SYNE2: variants seen among roughly 807,000 people sequenced by gnomAD.
SYNE2 encodes spectrin repeat containing nuclear envelope protein 2, also known as nesprin-2.
In SYNE2, 431 loss-of-function variants were observed where a neutral mutation model predicts 856.3. The ratio of observed to expected loss-of-function variants is 0.50; its 90% CI spans 0.47 to 0.55. The LOEUF is 0.55. SYNE2 is among the 20% of genes least tolerant of loss of function. SYNE2 has a pLI of 0.00. For missense variants in SYNE2, 8,129 were observed against 8,023.2 expected (o/e 1.01, Z -0.50); for synonymous variants, 2,923 against 2,872.3 (o/e 1.02, Z -0.56).
At chr14:64,087,461 G>T in intron 57 of SYNE2, 1 of 722,092 alleles carries the variant, frequency 1.4e-6, no homozygotes, top group South Asian at 1.4e-5. Flanking sequence ...AAATATTTAT[G>T]TTTCTTATTA....
At chr14:64,152,847 T>C (rs1272417717) in intron 85 of SYNE2, 131 bp downstream of exon 85, 8 of 1,193,406 alleles carry the variant, frequency 6.7e-6, no homozygotes, top group African/African-American at 4.6e-5. Context: ...CTGAGAAAAA[T>C]TGAAGTAAAT....
chr14:63,902,636 A>G (rs887060456), intron 1 of SYNE2, among the ~76,000 whole-genome samples: 1 of 151,832 alleles, frequency 6.6e-6, no homozygotes, highest in African/African-American at 2.4e-5. Context: ...GGGAGACTCA[A>G]TCTAGCCCTT....
chr14:63,983,705 A>G (rs771296613), intron 17 of SYNE2, 32 bp from the exon 18 acceptor site: 57 of 1,556,280 alleles, frequency 3.7e-5, no homozygotes, highest in Non-Finnish European at 4.5e-5. Flanking sequence ...TAAAAATATG[A>G]GTATTACATT....
intron 21 of SYNE2, among the ~76,000 whole-genome samples, chr14:63,991,733 A>G (rs1466095477): frequency 1.3e-5 from 2 of 152,200 alleles, no homozygotes; most frequent in African/African-American, 4.8e-5. Flanking sequence ...GCAAAGCTAA[A>G]TGCCTCTACC....
chr14:63,844,756 T>C (rs1481959574), intron 1 of SYNE2, among the ~76,000 whole-genome samples: 1 of 152,178 alleles, frequency 6.6e-6, no homozygotes, highest in East Asian at 1.9e-4. Flanking sequence ...TATTTTAAAA[T>C]GGTCCAAGCC....
intron 1 of SYNE2, among the ~76,000 whole-genome samples, chr14:63,839,003 T>A (rs1889954872): frequency 6.6e-6 from 1 of 152,124 alleles, no homozygotes; most frequent in South Asian, 2.1e-4. Context: ...GTGATTCATA[T>A]CCTCACCAAT....
At position 64,089,564 on chromosome 14, in the gene SYNE2, G is replaced by C; in HGVS notation, c.11671-10G>C. 1 of 1,607,500 alleles carries C rather than the reference G, an allele frequency of 6.2e-7. No homozygotes were observed. The highest frequency in any genetic ancestry group is 8.5e-7 in the Non-Finnish European group (1 of 1,175,570). On this transcript the variant is annotated splice_polypyrimidine_tract_variant and intron_variant, in intron 58 of 115. Transcript: ENST00000555002. ...ATATATTGCATCAGTGTGTTCTTCTGAAATTCTAGGATGTGGTTGCTATTG... is the reference window on the plus strand; with the variant it reads ...ATATATTGCATCAGTGTGTTCTTCTCAAATTCTAGGATGTGGTTGCTATTG...
chr14:64,144,664 A>G (rs902812362), intron 83 of SYNE2, among the ~76,000 whole-genome samples: 5 of 152,234 alleles, frequency 3.3e-5, no homozygotes, highest in African/African-American at 4.8e-5. Flanking sequence ...ACGTTCATAC[A>G]TTGCTGATAA....
In SYNE2 at chr14:64,051,615, G is replaced by C. The variant is rs2097227644; in HGVS notation, c.7702G>C (p.Glu2568Gln). Residue 2568 changes from glutamate to glutamine, a missense_variant, in exon 48 of 116, where the codon GAA (glutamate) becomes CAA (glutamine). Around this residue, in one of 3 missense-constraint regions of SYNE2, gnomAD observed 5,410 missense variants for 5,284.8 expected, o/e 1.02. Transcript: ENST00000555002. ...AATTAAAAAATTCATAGCATCCATA[G>C]AAAAAGAGAAAGATTCTTTAGGCAA... ...DKIKKFIASI[E>Q]KEKDSLGNLK... 1 of 1,613,810 alleles carries C rather than the reference G, an allele frequency of 6.2e-7. No homozygotes were observed. Among genetic ancestry groups the C allele is most frequent in the Non-Finnish European group, 8.5e-7 (1 of 1,179,910 alleles).
chr14:63,963,798 A>G (rs939891449), intron 9 of SYNE2, 101 bp from the exon 10 acceptor site: 2 of 751,564 alleles, frequency 2.7e-6, no homozygotes, highest in African/African-American at 3.5e-5. Context: ...TTGGTGTGTA[A>G]TGATGGCATT....
intron 56 of SYNE2, among the ~76,000 whole-genome samples, 194 bp downstream of exon 56, chr14:64,080,832 G>A (rs540755204): frequency 2.0e-5 from 3 of 152,284 alleles, no homozygotes; most frequent in East Asian, 3.9e-4. Flanking sequence ...GTCTGATTGG[G>A]CAGACAGAAC....
chr14:64,191,763 G>A (rs917078416), intron 99 of SYNE2, among the ~76,000 whole-genome samples: 1 of 152,174 alleles, frequency 6.6e-6, no homozygotes, highest in Non-Finnish European at 1.5e-5. Context: ...TCTCTCCACA[G>A]CCAGTTGGGG....
chr14:64,157,497 A>G (rs1335224234), intron 85 of SYNE2, among the ~76,000 whole-genome samples: 2 of 152,230 alleles, frequency 1.3e-5, no homozygotes, highest in Non-Finnish European at 2.9e-5. Context: ...GTTGATGAAC[A>G]TGTGGGTTGT....
At chr14:64,161,885 G>C (rs971833434) in intron 87 of SYNE2, among the ~76,000 whole-genome samples, 187 bp from the exon 88 acceptor site, 1 of 152,116 alleles carries the variant, frequency 6.6e-6, no homozygotes, top group African/African-American at 2.4e-5. Flanking sequence ...CAAGTAAATA[G>C]CCTAATTTGG....
At chr14:64,212,574 A>G (rs1051797478) in intron 104 of SYNE2, among the ~76,000 whole-genome samples, 8 of 152,232 alleles carry the variant, frequency 5.3e-5, no homozygotes, top group African/African-American at 1.9e-4. Context: ...ACCCGTGTCA[A>G]ACTTTTAGAA....
chr14:63,914,649 G>A (rs2095513570), intron 2 of SYNE2, among the ~76,000 whole-genome samples: 1 of 152,196 alleles, frequency 6.6e-6, no homozygotes, highest in African/African-American at 2.4e-5. Flanking sequence ...TTTAAGGTGG[G>A]AGACACTAGG....
At chr14:63,928,478 G>T (rs1047816176) in intron 2 of SYNE2, among the ~76,000 whole-genome samples, 9 of 152,112 alleles carry the variant, frequency 5.9e-5, no homozygotes, top group African/African-American at 2.2e-4. Flanking sequence ...ATTTGTTTTT[G>T]TTTCTTACTG....
intron 48 of SYNE2, 152 bp downstream of exon 48, chr14:64,053,809 C>CA (rs966987172): frequency 4.3e-3 from 2,570 of 597,666 alleles, no homozygotes; most frequent in South Asian, 6.7e-3. Flanking sequence ...ACTAAAAATA[C>CA]AAAAAAAAAA....
intron 1 of SYNE2, among the ~76,000 whole-genome samples, chr14:63,897,185 G>A (rs1369176201): frequency 6.6e-6 from 1 of 152,132 alleles, no homozygotes; most frequent in Non-Finnish European, 1.5e-5. Context: ...CCCGGGAGGT[G>A]GAGATTGCAG....
Sources: allele counts gnomAD v4.1 joint callset (sites outside exome capture counted in the v4.1 genomes callset), GRCh38; gene constraint gnomAD v4.1.1; regional missense constraint gnomAD v4.1.1; transcripts MANE v1.5; gene names NCBI Gene and HGNC (gene_info 2026-07-23, HGNC 2026-07-21).